Variants in ZCCHC2 observed in about 807,000 individuals in gnomAD.
ZCCHC2 encodes the protein zinc finger CCHC-type containing 2.
In ZCCHC2, 39 loss-of-function variants were observed where a neutral mutation model predicts 103.6. The observed-to-expected ratio is 0.38, with a 90% confidence interval of 0.29 to 0.49. The LOEUF is 0.49. Ranked by LOEUF, ZCCHC2 falls within the 20% of genes least tolerant of loss-of-function variation. The probability of loss-of-function intolerance (pLI) is 0.96; values close to 1 mark genes in which losing one functional copy is unlikely to be tolerated. For synonymous variants in ZCCHC2, 687 were observed against 608.9 expected (o/e 1.13, Z -1.89); for missense variants, 1,483 against 1,491.0 (o/e 0.99, Z 0.09).
At chr18:62,567,355 G>A (rs1486129701) in intron 11 of ZCCHC2, among the ~76,000 whole-genome samples, 1 of 152,180 alleles carries the variant, frequency 6.6e-6, no homozygotes, top group Admixed American at 6.5e-5. Flanking sequence ...TTAGCAGGTT[G>A]TTTGGATCTT....
rs1434280817 is a variant in ZCCHC2, at chr18:62,523,329, C to A, written c.-96C>A. The A allele has an allele frequency of 3.0e-6, 3 of 985,660 alleles. No homozygotes were observed. Among genetic ancestry groups the A allele is most frequent in the African/African-American group, 1.8e-5 (1 of 56,690 alleles). The allele number at this position is 985,660 out of a possible 1,614,324, so 61.1% of individuals were successfully genotyped here. ...CTCCCCCGGCGGCATGGAGGGGCCC[C>A]GCTCCTGACGGCCGCGCCGCCGCCT... is the stretch of plus-strand genomic sequence containing the variant. On this transcript the variant is annotated 5_prime_UTR_variant, in exon 1 of 14. Transcript: ENST00000269499.
chr18:62,526,797 C>T (rs1388771150), intron 1 of ZCCHC2: 1 of 151,918 alleles, frequency 6.6e-6, no homozygotes, highest in Non-Finnish European at 1.5e-5. Context: ...CCTCCCCGCC[C>T]CCGCCCTGCA....
At chr18:62,542,747 G>A (rs1048585818) in intron 3 of ZCCHC2, among the ~76,000 whole-genome samples, 173 bp downstream of exon 3, 2 of 152,118 alleles carry the variant, frequency 1.3e-5, no homozygotes, top group African/African-American at 2.4e-5. Context: ...TTTTTTTGAA[G>A]TTACATCACA....
chr18:62,555,625 A>G (rs1340645083), intron 5 of ZCCHC2, among the ~76,000 whole-genome samples: 1 of 152,134 alleles, frequency 6.6e-6, no homozygotes, highest in African/African-American at 2.4e-5. Context: ...CCTGACCGAC[A>G]TGGTGAAACC....
intron 1 of ZCCHC2, among the ~76,000 whole-genome samples, chr18:62,538,087 A>T (rs1007838190): frequency 2.6e-5 from 4 of 152,134 alleles, no homozygotes; most frequent in Admixed American, 2.6e-4. Flanking sequence ...ATGTAGAGAA[A>T]TATTTCGCTT....
chr18:62,537,754 T>C (rs1202063542), intron 1 of ZCCHC2, among the ~76,000 whole-genome samples: 1 of 152,260 alleles, frequency 6.6e-6, no homozygotes, highest in Admixed American at 6.5e-5. Context: ...GTACAGATTA[T>C]GTTTGCATTT....
At chr18:62,530,029 A>G (rs1298057818) in intron 1 of ZCCHC2, among the ~76,000 whole-genome samples, 1 of 152,258 alleles carries the variant, frequency 6.6e-6, no homozygotes, top group African/African-American at 2.4e-5. Flanking sequence ...CATAGGTTAT[A>G]CACAAATACT....
intron 8 of ZCCHC2, among the ~76,000 whole-genome samples, chr18:62,561,189 C>A (rs148312877): frequency 1.3e-5 from 2 of 152,152 alleles, no homozygotes; most frequent in East Asian, 3.8e-4. Context: ...ATAGTCACAT[C>A]GGCCAGTGAT....
intron 1 of ZCCHC2, chr18:62,539,448 A>G: frequency 2.4e-6 from 1 of 408,600 alleles, no homozygotes; most frequent in Non-Finnish European, 4.5e-6. Context: ...TCTGTATATT[A>G]TTAAGCAATT....
In ZCCHC2 at chr18:62,542,567, C is replaced by T; in HGVS notation, c.1121C>T (p.Thr374Ile). Residue 374 changes from threonine (T) to isoleucine (I), a missense_variant, in exon 3 of 14, where the codon ACT (threonine) becomes ATT (isoleucine). By Grantham distance (89) the Thr-to-Ile change is moderately conservative. Transcript: ENST00000269499. The stretch of plus-strand genomic sequence containing the variant: ...AGAGCTGACAAATACTGGGAGTACA[C>T]TTTCAAAGTAAGCCATTTTCCCCAC... ...RKRADKYWEY[T>I]FKVNWSDLSV... 2 of 1,560,272 alleles carry T rather than the reference C, an allele frequency of 1.3e-6. No individual in the cohort carries two copies. Among genetic ancestry groups the T allele is most frequent in the South Asian group, 2.4e-5 (2 of 84,544 alleles).
intron 8 of ZCCHC2, among the ~76,000 whole-genome samples, chr18:62,561,277 C>A (rs1916104264): frequency 6.6e-6 from 1 of 152,188 alleles, no homozygotes; most frequent in African/African-American, 2.4e-5. Flanking sequence ...CACATGTGGA[C>A]TTCTAATTGG....
At position 62,541,569 on chromosome 18, in the gene ZCCHC2, A is replaced by G. The variant is rs560383344; in HGVS notation, c.1052-929A>G. ...ATCCAACAGTGTACCCCCCACACCC[A>G]TTCTGTTGAGTTACTTTCCTAACCT... On this transcript the variant is annotated intron_variant, in intron 2 of 13. Transcript: ENST00000269499. Among the ~76,000 whole-genome samples the G allele has an allele frequency of 1.2e-4, 18 of 151,324 alleles. 1 individual carries two copies. The South Asian group carries it at 3.3e-3, about 28-fold the overall frequency.
At position 62,569,972 on chromosome 18, in the gene ZCCHC2, G is replaced by A. The variant is rs1200354625; in HGVS notation, c.1847-131G>A. The A allele has an allele frequency of 8.6e-6, 7 of 810,516 alleles. No individual in the cohort carries two copies. The Admixed American group carries it at 9.3e-5, about 11-fold the overall frequency. The allele number at this position is 810,516 out of a possible 1,614,324, so 50.2% of individuals were successfully genotyped here. ...TTGTAATTTAATCAGTTTAGATCAA[G>A]GACAAGCTTTTTTAGATGGTTGTGG... On this transcript the variant is annotated intron_variant, in intron 11 of 13. Coordinates refer to ENST00000269499, the MANE Select transcript of ZCCHC2 (RefSeq NM_017742.6).
chr18:62,524,394 G>A (rs1914249325), intron 1 of ZCCHC2, 31 bp downstream of exon 1: 4 of 1,439,982 alleles, frequency 2.8e-6, no homozygotes, highest in Non-Finnish European at 3.6e-6. Context: ...CTGGACTCGC[G>A]GTGCGATCGC....
intron 1 of ZCCHC2, among the ~76,000 whole-genome samples, chr18:62,534,227 C>T (rs1914824826): frequency 6.6e-6 from 1 of 151,088 alleles, no homozygotes; most frequent in Admixed American, 6.6e-5. Context: ...GGGAAGATTG[C>T]TTGAGCAGAG....
rs552414394 is a variant in ZCCHC2, at chr18:62,570,130, A to G, written c.1874A>G (p.His625Arg). Reference protein sequence around the residue: ...KDVNLDIGSGHDTCGETSSES... With the variant: ...KDVNLDIGSGRDTCGETSSES... ...GTGAATTTGGACATTGGCTCTGGAC[A>G]TGACACATGTGGAGAAACATCTTCA... Residue 625 changes from histidine (H) to arginine (R), a missense_variant, in exon 12 of 14, where the codon CAT becomes CGT. Around this residue, in one of 3 missense-constraint regions of ZCCHC2, gnomAD observed 884 missense variants for 907.5 expected, o/e 0.97. Coordinates refer to ENST00000269499, the MANE Select transcript of ZCCHC2 (RefSeq NM_017742.6). 1.9e-6 allele frequency: 3 copies of G among 1,612,708 alleles called. No homozygotes were observed. Among genetic ancestry groups the G allele is most frequent in the South Asian group, 2.2e-5 (2 of 90,734 alleles).
chr18:62,526,535 T>C (rs1472635769), intron 1 of ZCCHC2, among the ~76,000 whole-genome samples: 3 of 152,186 alleles, frequency 2.0e-5, no homozygotes, highest in Non-Finnish European at 4.4e-5. Flanking sequence ...TCCCAGGCTG[T>C]CACTCCAGAG....
intron 1 of ZCCHC2, chr18:62,526,904 G>T (rs1406248850): frequency 1.3e-5 from 2 of 151,802 alleles, no homozygotes; most frequent in Admixed American, 6.6e-5. Context: ...CTTTGGGCTA[G>T]CGCCGGAGAC....
rs145212497 is a variant in ZCCHC2, at chr18:62,560,044, T to C, written c.1493-543T>C. Among the ~76,000 whole-genome samples, 3 of 152,362 alleles carry C rather than the reference T, an allele frequency of 2.0e-5. No individual in the cohort carries two copies. The East Asian group carries it at 5.8e-4, about 29-fold the overall frequency. On this transcript the variant is annotated intron_variant, in intron 7 of 13. Coordinates refer to ENST00000269499, the MANE Select transcript of ZCCHC2 (RefSeq NM_017742.6). ...TGAAACATGTAACAGCTAATGTGTT[T>C]ATGAGCACACATATATGGATAGTTA...
Sources: allele counts gnomAD v4.1 joint callset (sites outside exome capture counted in the v4.1 genomes callset), GRCh38; gene constraint gnomAD v4.1.1; regional missense constraint gnomAD v4.1.1; transcripts MANE v1.5; gene names NCBI Gene and HGNC (gene_info 2026-07-23, HGNC 2026-07-21).